The following LMBRD2 variants were observed in gnomAD, a reference collection of about 807,000 sequenced individuals.
LMBRD2 encodes LMBR1 domain containing 2.
LMBRD2 carries 55 observed loss-of-function variants against 94.4 expected under a neutral mutation model. That is an observed-to-expected ratio of 0.58 (90% CI 0.47 to 0.73). The LOEUF (loss-of-function observed/expected upper bound fraction) is 0.73, where lower values mean the gene tolerates loss of function less well. Ranked by LOEUF, LMBRD2 falls within the 30% of genes least tolerant of loss-of-function variation. LMBRD2 has a pLI of 0.00. For synonymous variants in LMBRD2, 246 were observed against 272.4 expected (o/e 0.90, Z 0.95); for missense variants, 640 against 831.9 (o/e 0.77, Z 2.84).
intron 10 of LMBRD2, 95 bp from the exon 11 acceptor site, chr5:36,116,688 T>C: frequency 7.6e-7 from 1 of 1,310,002 alleles, no homozygotes; most frequent in Non-Finnish European, 1.1e-6. Context: ...TTTTCTTTTG[T>C]TTTTTTGAGA....
intron 1 of LMBRD2, among the ~76,000 whole-genome samples, chr5:36,146,735 C>T (rs1408830109): frequency 6.6e-6 from 1 of 152,120 alleles, no homozygotes; most frequent in Admixed American, 6.6e-5. Context: ...AAACTGACAG[C>T]TGGCATTTAA....
intron 4 of LMBRD2, among the ~76,000 whole-genome samples, chr5:36,137,855 A>T (rs912054876): frequency 6.6e-6 from 1 of 152,214 alleles, no homozygotes; most frequent in Non-Finnish European, 1.5e-5. Flanking sequence ...CCTAGGAGAC[A>T]TCCAAGAGGA....
At chr5:36,109,252 T>A (rs1416633021) in intron 15 of LMBRD2, among the ~76,000 whole-genome samples, 1 of 152,116 alleles carries the variant, frequency 6.6e-6, no homozygotes, top group Non-Finnish European at 1.5e-5. Context: ...GCATGTAATT[T>A]CCTATGTCCG....
intron 6 of LMBRD2, among the ~76,000 whole-genome samples, chr5:36,127,543 G>A (rs1744035175): frequency 6.6e-6 from 1 of 152,200 alleles, no homozygotes; most frequent in Admixed American, 6.5e-5. Flanking sequence ...CCAGTGCCCT[G>A]AAGGGAAAGT....
chr5:36,136,264 C>T, intron 6 of LMBRD2, 45 bp downstream of exon 6: 2 of 1,559,324 alleles, frequency 1.3e-6, no homozygotes, highest in Non-Finnish European at 8.8e-7. Flanking sequence ...AAAGGGGATA[C>T]ATATGACTTA....
rs144958656 is a variant in LMBRD2, at chr5:36,136,391, A to G, written c.665T>C (p.Leu222Pro). The change falls in exon 6 of 18, where the codon CTA (leucine) becomes CCA (proline). Residue 222 changes from leucine (L) to proline (P), a missense_variant. Coordinates refer to ENST00000296603, the MANE Select transcript of LMBRD2 (RefSeq NM_001007527.2). ...TGCCTTAAAATACGTTTTCATAAGT[A>G]GATAACCCCTTTTTGCTCCATTCCA... ...SYWNGAKRGY[L>P]LMKTYFKAAK... 5 of 1,613,998 alleles carry G rather than the reference A, an allele frequency of 3.1e-6. No homozygotes were observed. Among genetic ancestry groups the G allele is most frequent in the Non-Finnish European group, 4.2e-6 (5 of 1,179,966 alleles).
intron 16 of LMBRD2, among the ~76,000 whole-genome samples, chr5:36,106,293 T>C (rs1030063658): frequency 6.6e-5 from 10 of 152,132 alleles, no homozygotes; most frequent in African/African-American, 1.9e-4. Context: ...ATAAATCCTT[T>C]TCTCTTCATC....
At chr5:36,120,009 CTT>C (rs955483313) in intron 9 of LMBRD2, among the ~76,000 whole-genome samples, 3 of 148,412 alleles carry the variant, frequency 2.0e-5, no homozygotes, top group African/African-American at 7.4e-5. Context: ...CTCTTTCTTT[CTT>C]TCTCTCTTTC....
At position 36,115,055 on chromosome 5, in the gene LMBRD2, G is replaced by A; in HGVS notation, c.1502C>T (p.Ser501Phe). Residue 501 changes from serine (S) to phenylalanine (F), a missense_variant, in exon 12 of 18, where the codon TCT becomes TTT. Physicochemically the swap from Ser to Phe is radical, Grantham distance 155. Around this residue, in one of 2 missense-constraint regions of LMBRD2, gnomAD observed 457 missense variants for 642.8 expected, o/e 0.71. Transcript: ENST00000296603. Reference sequence around the variant, plus strand: ...TGGTTGAGTATTCTTGTGAGAGATAGATGAATCCATATGGGTCAAACCCAA... The same window carrying A: ...TGGTTGAGTATTCTTGTGAGAGATAAATGAATCCATATGGGTCAAACCCAA... ...NFLGLTHMDSSISHKNTQPTA... is the reference protein window; with the variant it reads ...NFLGLTHMDSFISHKNTQPTA... 1.9e-6 allele frequency: 3 copies of A among 1,611,852 alleles called. No individual in the cohort carries two copies. The highest frequency in any genetic ancestry group is 2.5e-6 in the Non-Finnish European group (3 of 1,178,520).
At position 36,122,963 on chromosome 5, in the gene LMBRD2, T is replaced by TAAAA; in HGVS notation, c.823-6_823-3dup. On this transcript the variant is annotated splice_region_variant and splice_polypyrimidine_tract_variant and intron_variant, in intron 7 of 17. Coordinates refer to ENST00000296603, the MANE Select transcript of LMBRD2 (RefSeq NM_001007527.2). ...TTTTTCCTGATACTCTGTAGGGCAC[T>TAAAA]AAAAAAAAAAAAAAGTAGATTTTTA... The TAAAA allele has an allele frequency of 3.7e-6, 5 of 1,345,884 alleles. No individual in the cohort carries two copies. The highest frequency in any genetic ancestry group is 1.7e-5 in the South Asian group (1 of 57,916). 83.4% of individuals were successfully genotyped at this position (1,345,884 alleles called of 1,614,324 possible).
Position 36,103,976 on chromosome 5 carries a change from A to T in LMBRD2, c.*70T>A. 9.3e-7 allele frequency: 1 copy of T among 1,073,770 alleles called. No individual in the cohort carries two copies. The allele number at this position is 1,073,770 out of a possible 1,614,324, so 66.5% of individuals were successfully genotyped here. Reference sequence around the variant, plus strand: ...CTGTGTATAGAGGAAATTCTAGGGTACACAGATGTTCATCAAGACTGAACT... The same window carrying T: ...CTGTGTATAGAGGAAATTCTAGGGTTCACAGATGTTCATCAAGACTGAACT... On this transcript the variant is annotated 3_prime_UTR_variant, in exon 18 of 18. Coordinates refer to ENST00000296603, the MANE Select transcript of LMBRD2 (RefSeq NM_001007527.2).
intron 13 of LMBRD2, 109 bp downstream of exon 13, chr5:36,114,314 AG>A: frequency 7.5e-7 from 1 of 1,331,486 alleles, no homozygotes; most frequent in East Asian, 3.0e-5. Context: ...GCTTCTCCAA[AG>A]CTACAATGAA....
intron 11 of LMBRD2, 66 bp downstream of exon 11, chr5:36,116,394 T>A: frequency 6.9e-7 from 1 of 1,450,666 alleles, no homozygotes; most frequent in Non-Finnish European, 9.5e-7. Flanking sequence ...CAACAAAAAA[T>A]AAAAGATCCA....
chr5:36,126,896 A>C (rs958641500), intron 6 of LMBRD2, among the ~76,000 whole-genome samples: 4 of 152,228 alleles, frequency 2.6e-5, no homozygotes, highest in Admixed American at 2.6e-4. Context: ...TTATCTTTCC[A>C]ATGTAAACTT....
In LMBRD2 at chr5:36,116,556, C is replaced by G. The variant is rs772108450; in HGVS notation, c.1340G>C (p.Cys447Ser). Residue 447 changes from cysteine (C) to serine (S), a missense_variant, in exon 11 of 18, where the codon TGT becomes TCT. Physicochemically the swap from Cys to Ser is moderately radical, Grantham distance 112. Coordinates refer to ENST00000296603, the MANE Select transcript of LMBRD2 (RefSeq NM_001007527.2). ...AATCCTGAACACAGTAGAATAAACA[C>G]AGATACTTAGGAAGAAGATGGAAAG... Reference protein sequence around the residue: ...CFLSIFFLSICVYSTVFRIRV... With the variant: ...CFLSIFFLSISVYSTVFRIRV... 1.9e-6 allele frequency: 3 copies of G among 1,612,892 alleles called. No individual in the cohort carries two copies. The African/African-American group carries it at 4.0e-5, about 22-fold the overall frequency.
intron 16 of LMBRD2, among the ~76,000 whole-genome samples, chr5:36,107,112 T>A (rs1467317096): frequency 6.6e-6 from 1 of 152,192 alleles, no homozygotes; most frequent in Admixed American, 6.5e-5. Context: ...CTGGTGTGCA[T>A]CCTTCTATCA....
Position 36,111,272 on chromosome 5 carries a change from A to AT in LMBRD2, c.1641-15dup, listed in dbSNP as rs1743598816. The AT allele has an allele frequency of 9.1e-6, 14 of 1,544,002 alleles. No homozygotes were observed. Among genetic ancestry groups the AT allele is most frequent in the Non-Finnish European group, 1.2e-5 (13 of 1,119,552 alleles). On this transcript the variant is annotated splice_polypyrimidine_tract_variant and intron_variant, in intron 13 of 17. Transcript: ENST00000296603. ...CGGGTTCCCAAACTAATAAAAGCAG[A>AT]TTTTTTAAAAAGACAAACATTATTT...
chr5:36,104,810 T>C (rs1373024844), intron 17 of LMBRD2, among the ~76,000 whole-genome samples: 1 of 152,002 alleles, frequency 6.6e-6, no homozygotes, highest in Non-Finnish European at 1.5e-5. Flanking sequence ...TATTCTTTCT[T>C]ATTTATAATA....
At position 36,142,522 on chromosome 5, in the gene LMBRD2, T is replaced by C. The variant is rs1390831325; in HGVS notation, c.252A>G (p.Ala84=). 9 of 1,600,492 alleles carry C rather than the reference T, an allele frequency of 5.6e-6. No homozygotes were observed. Among genetic ancestry groups the C allele is most frequent in the Non-Finnish European group, 6.9e-6 (8 of 1,167,782 alleles). The change falls in exon 3 of 18, where the codon GCA becomes GCG. Residue 84 remains alanine (A), a synonymous_variant. Transcript: ENST00000296603. ...AATACCTTGGAACAGGGTTAGCAGT[T>C]GCGTACAATCCTGTAATGTTGCTAT... ...PENSNITGLY[A]TANPVPSQHP...
Sources: allele counts gnomAD v4.1 joint callset (sites outside exome capture counted in the v4.1 genomes callset), GRCh38; gene constraint gnomAD v4.1.1; regional missense constraint gnomAD v4.1.1; transcripts MANE v1.5; gene names NCBI Gene and HGNC (gene_info 2026-07-23, HGNC 2026-07-21).